TBC1D19: variants seen among roughly 807,000 people sequenced by gnomAD.
The protein encoded by TBC1D19 is TBC1 domain family, member 19.
TBC1D19 carries 60 observed loss-of-function variants against 89.0 expected under a neutral mutation model. The observed-to-expected ratio is 0.67, with a 90% confidence interval of 0.55 to 0.84. The LOEUF (loss-of-function observed/expected upper bound fraction) is 0.84, where lower values mean the gene tolerates loss of function less well. Ranked by LOEUF, TBC1D19 falls within the 40% of genes least tolerant of loss-of-function variation. The pLI is 0.00. For synonymous variants in TBC1D19, 189 were observed against 199.7 expected (o/e 0.95, Z 0.45); for missense variants, 500 against 610.8 (o/e 0.82, Z 1.91).
the TBC1D19 span, among the ~76,000 whole-genome samples, chr4:26,826,285 G>A: frequency 6.6e-6 from 1 of 152,094 alleles, no homozygotes; most frequent in Non-Finnish European, 1.5e-5. Flanking sequence ...ATAGGACTTC[G>A]CATTCTGCCT....
intron 1 of TBC1D19, among the ~76,000 whole-genome samples, chr4:26,589,926 G>C (rs996294037): frequency 6.6e-6 from 1 of 152,174 alleles, no homozygotes; most frequent in Non-Finnish European, 1.5e-5. Context: ...TGTGCCACCA[G>C]AGTGCTCTTT....
intron 14 of TBC1D19, among the ~76,000 whole-genome samples, chr4:26,719,736 T>C (rs781250695): frequency 9.2e-5 from 14 of 152,138 alleles, no homozygotes; most frequent in Non-Finnish European, 1.8e-4. Flanking sequence ...TAAGACTTGC[T>C]TTAATGAATA....
the TBC1D19 span, among the ~76,000 whole-genome samples, chr4:26,823,259 C>A: frequency 1.3e-5 from 2 of 152,148 alleles, no homozygotes; most frequent in Non-Finnish European, 2.9e-5. Flanking sequence ...CGGGAAAGAC[C>A]TGCCCCCATG....
intron 1 of TBC1D19, among the ~76,000 whole-genome samples, chr4:26,604,960 C>T (rs1308216981): frequency 6.6e-6 from 1 of 151,946 alleles, no homozygotes; most frequent in Admixed American, 6.6e-5. Flanking sequence ...GTTTTCATTT[C>T]TTTGGCTATG....
At chr4:26,800,938 T>C in the TBC1D19 span, among the ~76,000 whole-genome samples, 2 of 152,220 alleles carry the variant, frequency 1.3e-5, no homozygotes, top group African/African-American at 4.8e-5. Flanking sequence ...ATGCAAAAAA[T>C]TTCTCCCATT....
chr4:26,714,512 G>A (rs183971279), intron 13 of TBC1D19, among the ~76,000 whole-genome samples: 254 of 152,032 alleles, frequency 1.7e-3, no homozygotes, highest in African/African-American at 6.0e-3. Flanking sequence ...CTTCACTTGG[G>A]TTTCAAGACA....
At chr4:26,622,045 G>A (rs1353584325) in intron 4 of TBC1D19, among the ~76,000 whole-genome samples, 4 of 152,088 alleles carry the variant, frequency 2.6e-5, no homozygotes, top group African/African-American at 9.6e-5. Context: ...ATTGAACAAT[G>A]AGAACAGATG....
At chr4:26,646,992 A>G (rs75911402) in intron 7 of TBC1D19, among the ~76,000 whole-genome samples, 36 of 152,338 alleles carry the variant, frequency 2.4e-4, no homozygotes, top group African/African-American at 8.7e-4. Flanking sequence ...TGCCTGGCAC[A>G]TATACATACT....
intron 15 of TBC1D19, among the ~76,000 whole-genome samples, chr4:26,732,062 A>C (rs1010985676): frequency 6.6e-6 from 1 of 151,764 alleles, no homozygotes; most frequent in African/African-American, 2.4e-5. Flanking sequence ...ATTTCTTCTT[A>C]TTATTATGTG....
At chr4:26,758,423 T>C (rs190748140), downstream of TBC1D19, among the ~76,000 whole-genome samples, 22 of 152,290 alleles carry the variant, frequency 1.4e-4, no homozygotes, top group Admixed American at 4.6e-4. Context: ...TCTTTAGTGA[T>C]CTACCCCTTC....
At chr4:26,695,401 A>T (rs1408974445) in intron 13 of TBC1D19, among the ~76,000 whole-genome samples, 1 of 152,250 alleles carries the variant, frequency 6.6e-6, no homozygotes, top group Non-Finnish European at 1.5e-5. Context: ...CCTGAAAGTG[A>T]TGGGGAGAAT....
the TBC1D19 span, among the ~76,000 whole-genome samples, chr4:26,825,015 A>G: frequency 1.3e-5 from 2 of 152,094 alleles, no homozygotes; most frequent in South Asian, 4.1e-4. Flanking sequence ...TGTCACCTCA[A>G]TTACTAGACG....
chr4:26,644,471 G>T (rs1483447354), intron 7 of TBC1D19, among the ~76,000 whole-genome samples: 1 of 152,200 alleles, frequency 6.6e-6, no homozygotes, highest in Non-Finnish European at 1.5e-5. Context: ...GTATCATACT[G>T]AATGGGCAAA....
the TBC1D19 span, among the ~76,000 whole-genome samples, chr4:26,762,578 A>T: frequency 6.6e-6 from 1 of 152,178 alleles, no homozygotes; most frequent in Non-Finnish European, 1.5e-5. Context: ...CCTTCCTGTG[A>T]TAGGAAAAAT....
At chr4:26,689,434 G>A (rs954539653) in intron 13 of TBC1D19, among the ~76,000 whole-genome samples, 2 of 151,932 alleles carry the variant, frequency 1.3e-5, no homozygotes, top group African/African-American at 2.4e-5. Flanking sequence ...GTAAATTTTT[G>A]AATATACAGG....
chr4:26,595,664 C>T (rs142848393), intron 1 of TBC1D19, among the ~76,000 whole-genome samples: 2,070 of 150,258 alleles, frequency 0.014, 19 homozygotes, highest in Middle Eastern at 0.034. Flanking sequence ...TCTTTCTCTT[C>T]CTCCCCCCTC....
intron 7 of TBC1D19, 46 bp downstream of exon 7, chr4:26,640,233 G>A: frequency 7.1e-7 from 1 of 1,415,558 alleles, no homozygotes; most frequent in South Asian, 1.2e-5. Flanking sequence ...AATGAATAAT[G>A]TGAATAAATG....
At chr4:26,742,382 C>T (rs953197247) in intron 17 of TBC1D19, 126 bp from the exon 18 acceptor site, 15 of 723,566 alleles carry the variant, frequency 2.1e-5, no homozygotes, top group Admixed American at 1.2e-4. Context: ...ATGTTTTTGA[C>T]TCTTAAACAG....
chr4:26,605,825 A>G (rs1406059154), intron 1 of TBC1D19, among the ~76,000 whole-genome samples: 5 of 151,944 alleles, frequency 3.3e-5, no homozygotes, highest in African/African-American at 7.3e-5. Flanking sequence ...CATTTTTTTC[A>G]TGTGTTTTTT....
Sources: gnomAD v4.1 joint callset for allele counts (sites outside exome capture counted in the v4.1 genomes callset) on GRCh38, gnomAD v4.1.1 for gene constraint, MANE v1.5 for transcripts, NCBI Gene and HGNC (gene_info 2026-07-23, HGNC 2026-07-21) for gene names.